Variants in WDPCP observed in about 807,000 individuals in gnomAD.
WDPCP encodes WD repeat-containing and planar cell polarity effector protein fritz homolog.
WDPCP carries 71 observed loss-of-function variants against 93.1 expected under a neutral mutation model. That is an observed-to-expected ratio of 0.76 (90% confidence interval 0.63 to 0.93). The LOEUF is 0.93. WDPCP is among the 40% of genes least tolerant of loss of function. The pLI is 0.00. For missense variants in WDPCP, 844 were observed against 887.4 expected (o/e 0.95, Z 0.62); for synonymous variants, 315 against 315.0 (o/e 1.00, Z 0.00).
chr2:63,617,881 ATGCATATATG>A (rs1240638919), intron 3 of WDPCP, among the ~76,000 whole-genome samples: 1 of 152,236 alleles, frequency 6.6e-6, no homozygotes, highest in Non-Finnish European at 1.5e-5. Flanking sequence ...ACCCCTTCAT[ATGCATATATG>A]TACACATTTG....
intron 2 of WDPCP, among the ~76,000 whole-genome samples, chr2:63,755,435 A>C (rs1425664715): frequency 6.6e-6 from 1 of 152,212 alleles, no homozygotes; most frequent in African/African-American, 2.4e-5. Flanking sequence ...CTTTTATTAC[A>C]GTGGAAGGAG....
At chr2:63,670,347 C>T (rs573185437) in intron 2 of WDPCP, among the ~76,000 whole-genome samples, 263 of 152,222 alleles carry the variant, frequency 1.7e-3, no homozygotes, top group Non-Finnish European at 2.6e-3. Context: ...CCTCTGTTCT[C>T]CCATCCCAGT....
chr2:63,191,702 A>G (rs1391042536), intron 14 of WDPCP, among the ~76,000 whole-genome samples: 1 of 152,180 alleles, frequency 6.6e-6, no homozygotes, highest in East Asian at 1.9e-4. Context: ...TTATACTTCT[A>G]AAGGCATCAA....
intron 2 of WDPCP, chr2:63,751,648 C>G: frequency 2.1e-6 from 1 of 484,670 alleles, no homozygotes. Context: ...CATGTCCCTT[C>G]TCTGGCTCTC....
chr2:63,375,730 T>C (rs1461637825), intron 12 of WDPCP, among the ~76,000 whole-genome samples: 1 of 151,986 alleles, frequency 6.6e-6, no homozygotes, highest in African/African-American at 2.4e-5. Context: ...ATAATCTACA[T>C]GGTATACTTG....
chr2:63,222,199 T>C (rs1289652749), intron 14 of WDPCP, among the ~76,000 whole-genome samples: 12 of 152,246 alleles, frequency 7.9e-5, no homozygotes, highest in Admixed American at 7.9e-4. Flanking sequence ...CTTTGTAATG[T>C]GCCTATAGCA....
chr2:63,248,934 A>G (rs1680499631), intron 14 of WDPCP, among the ~76,000 whole-genome samples: 1 of 148,728 alleles, frequency 6.7e-6, no homozygotes, highest in South Asian at 2.1e-4. Context: ...AATATTCTTT[A>G]GTTCTTTATA....
At chr2:63,582,024 G>A (rs1158430126) in intron 1 of WDPCP, among the ~76,000 whole-genome samples, 1 of 150,246 alleles carries the variant, frequency 6.7e-6, no homozygotes, top group African/African-American at 2.4e-5. Flanking sequence ...TGTAATATTC[G>A]CAATCTGACA....
chr2:63,543,933 T>A (rs1704939231), intron 1 of WDPCP, among the ~76,000 whole-genome samples: 1 of 152,100 alleles, frequency 6.6e-6, no homozygotes, highest in Non-Finnish European at 1.5e-5. Flanking sequence ...TTATATTTTA[T>A]GTACTTTATT....
At chr2:63,357,005 C>T (rs866641041) in intron 12 of WDPCP, among the ~76,000 whole-genome samples, 1 of 152,042 alleles carries the variant, frequency 6.6e-6, no homozygotes, top group Non-Finnish European at 1.5e-5. Flanking sequence ...CAACAAAGGA[C>T]AAATATAAGC....
At chr2:63,403,846 T>C in intron 10 of WDPCP, 1 of 667,874 alleles carries the variant, frequency 1.5e-6, no homozygotes, top group Admixed American at 3.0e-5. Context: ...ATTAGTGCAA[T>C]TTACAAATTA....
intron 12 of WDPCP, among the ~76,000 whole-genome samples, chr2:63,320,459 G>A (rs2104106059): frequency 6.6e-6 from 1 of 152,286 alleles, no homozygotes; most frequent in South Asian, 2.1e-4. Context: ...ACACTAGTCT[G>A]TTGAAAGCAA....
At chr2:63,552,608 C>G (rs946666866) in intron 1 of WDPCP, among the ~76,000 whole-genome samples, 2 of 151,978 alleles carry the variant, frequency 1.3e-5, no homozygotes, top group African/African-American at 4.8e-5. Flanking sequence ...GGTATCTCTT[C>G]TTTTAGGGTT....
At chr2:63,309,854 T>A (rs1176423464) in intron 13 of WDPCP, among the ~76,000 whole-genome samples, 1 of 151,632 alleles carries the variant, frequency 6.6e-6, no homozygotes, top group African/African-American at 2.4e-5. Flanking sequence ...AACTAATGGA[T>A]TAAAAAAGAA....
intron 3 of WDPCP, among the ~76,000 whole-genome samples, chr2:63,640,095 G>A (rs1207505881): frequency 1.3e-5 from 2 of 152,070 alleles, no homozygotes; most frequent in African/African-American, 4.8e-5. Context: ...TGCACGCTCC[G>A]CCTCCCAGGT....
intron 14 of WDPCP, among the ~76,000 whole-genome samples, chr2:63,211,350 G>C (rs988498626): frequency 2.6e-5 from 4 of 152,142 alleles, no homozygotes; most frequent in African/African-American, 7.2e-5. Context: ...AGGCAAACAG[G>C]GTCTGGAGTG....
chr2:63,529,180 T>C (rs1191412066), intron 1 of WDPCP, among the ~76,000 whole-genome samples: 1 of 152,226 alleles, frequency 6.6e-6, no homozygotes, highest in Non-Finnish European at 1.5e-5. Context: ...TTTGACTTCC[T>C]CTTTTCCTAA....
In WDPCP at chr2:63,421,635, T is replaced by C. The variant is rs188625690; in HGVS notation, c.825+12110A>G. Among the ~76,000 whole-genome samples the C allele has an allele frequency of 3.3e-5, 5 of 152,306 alleles. No homozygotes were observed. In the East Asian group the frequency reaches 9.6e-4, roughly 29 times the overall value. On this transcript the variant is annotated intron_variant, in intron 9 of 17. Coordinates refer to ENST00000272321, the MANE Select transcript of WDPCP (RefSeq NM_015910.7). ...AAACTAAAGGTGTTCATCATGACCA[T>C]AAACACGGCATCCCTAATTCTGGAG...
chr2:63,541,948 T>C (rs1235877957), intron 1 of WDPCP, among the ~76,000 whole-genome samples: 1 of 152,192 alleles, frequency 6.6e-6, no homozygotes, highest in African/African-American at 2.4e-5. Context: ...TTATAAAGCC[T>C]AAACATATTT....
Sources: gnomAD v4.1 joint callset for allele counts (sites outside exome capture counted in the v4.1 genomes callset) on GRCh38, gnomAD v4.1.1 for gene constraint, MANE v1.5 for transcripts, NCBI Gene and HGNC (gene_info 2026-07-23, HGNC 2026-07-21) for gene names.